PSD3: variants seen among roughly 807,000 people sequenced by gnomAD.
PSD3 encodes the protein PH and SEC7 domain-containing protein 3.
In PSD3, 49 loss-of-function variants were observed where a neutral mutation model predicts 105.5. The ratio of observed to expected loss-of-function variants is 0.46; its 90% CI spans 0.37 to 0.59. The LOEUF is 0.59. Ranked by LOEUF, PSD3 falls within the 20% of genes least tolerant of loss-of-function variation. PSD3 has a pLI of 0.00. For missense variants in PSD3, 1,561 were observed against 1,263.8 expected (o/e 1.24, Z -3.57); for synonymous variants, 557 against 457.8 (o/e 1.22, Z -2.77).
chr8:18,731,802 G>C (rs1803770741), intron 9 of PSD3, among the ~76,000 whole-genome samples: 1 of 152,098 alleles, frequency 6.6e-6, no homozygotes, highest in Admixed American at 6.5e-5. Context: ...CTTGCCATTT[G>C]AACAGAAAAT....
chr8:18,713,037 G>A (rs2410590), intron 9 of PSD3, among the ~76,000 whole-genome samples: 25,889 of 151,794 alleles, frequency 0.17, 3,954 homozygotes, highest in East Asian at 0.39. Flanking sequence ...CAAAAACCAC[G>A]GGATTATCTC....
At chr8:18,664,749 A>G (rs1799347201) in intron 9 of PSD3, among the ~76,000 whole-genome samples, 1 of 152,212 alleles carries the variant, frequency 6.6e-6, no homozygotes, top group Admixed American at 6.5e-5. Context: ...TCAAAGCTTC[A>G]AAAGTCAGGC....
intron 9 of PSD3, among the ~76,000 whole-genome samples, chr8:18,757,240 G>A (rs1435733642): frequency 6.6e-6 from 1 of 150,594 alleles, no homozygotes; most frequent in Non-Finnish European, 1.5e-5. Context: ...ATCATTTGAG[G>A]TCAGGAGTTC....
chr8:18,853,230 C>G (rs186546416), intron 4 of PSD3, among the ~76,000 whole-genome samples: 1 of 152,200 alleles, frequency 6.6e-6, no homozygotes, highest in Admixed American at 6.5e-5. Context: ...TATAAAAATA[C>G]TGGAAATAGG....
intron 2 of PSD3, among the ~76,000 whole-genome samples, chr8:18,889,274 T>C (rs996072269): frequency 2.6e-5 from 4 of 152,164 alleles, no homozygotes; most frequent in African/African-American, 9.7e-5. Flanking sequence ...TTGTATTGAT[T>C]ATATTCTCTT....
chr8:18,935,567 T>C (rs994916842), intron 2 of PSD3, among the ~76,000 whole-genome samples: 5 of 150,882 alleles, frequency 3.3e-5, no homozygotes, highest in Non-Finnish European at 7.4e-5. Context: ...TGTGGTGGCA[T>C]ATGCCTGTAG....
chr8:18,914,322 C>T (rs903431347), intron 2 of PSD3, among the ~76,000 whole-genome samples: 6 of 152,082 alleles, frequency 3.9e-5, no homozygotes, highest in African/African-American at 1.4e-4. Context: ...GCAAGGATGC[C>T]CACTCTCACC....
Position 18,536,081 on chromosome 8 carries a change from C to A in PSD3, c.2929-123G>T, listed in dbSNP as rs554318054. The stretch of plus-strand genomic sequence containing the variant: ...CTGTTGAAGACTTCGCTTCATTTCC[C>A]AAACTGACAAATTACTTGGGCACTT... On this transcript the variant is annotated intron_variant, in intron 15 of 15. Transcript: ENST00000327040. 8.5e-5 allele frequency: 76 copies of A among 892,400 alleles called. No homozygotes were observed. The East Asian group carries it at 1.9e-3, about 23-fold the overall frequency. The allele number at this position is 892,400 out of a possible 1,614,324, so 55.3% of individuals were successfully genotyped here.
intron 9 of PSD3, among the ~76,000 whole-genome samples, chr8:18,763,441 G>T (rs777904569): frequency 3.9e-5 from 6 of 152,112 alleles, no homozygotes; most frequent in African/African-American, 1.4e-4. Context: ...ATGTATGTAT[G>T]TATCTGTGTA....
chr8:18,651,660 C>T (rs895771050), intron 10 of PSD3, among the ~76,000 whole-genome samples: 1 of 152,138 alleles, frequency 6.6e-6, no homozygotes, highest in South Asian at 2.1e-4. Flanking sequence ...GGTGTAGAAA[C>T]TGCTGGTGTC....
chr8:19,023,137 G>A (rs1827418739), intron 1 of PSD3, among the ~76,000 whole-genome samples: 1 of 152,042 alleles, frequency 6.6e-6, no homozygotes, highest in Non-Finnish European at 1.5e-5. Flanking sequence ...TGTCCTTTGT[G>A]GATAGATATT....
chr8:18,730,095 A>G (rs1803626702), intron 9 of PSD3: 2 of 152,192 alleles, frequency 1.3e-5, no homozygotes, highest in Admixed American at 6.5e-5. Context: ...ATGCTCAAGT[A>G]TTGCCTCTTT....
chr8:18,702,076 C>A (rs1288838381), intron 9 of PSD3, among the ~76,000 whole-genome samples: 3 of 152,168 alleles, frequency 2.0e-5, no homozygotes, highest in Admixed American at 6.5e-5. Context: ...TCCCAGGAAT[C>A]CTGGGAGTGA....
At chr8:19,047,040 C>T (rs938993626) in intron 1 of PSD3, among the ~76,000 whole-genome samples, 1 of 151,800 alleles carries the variant, frequency 6.6e-6, no homozygotes, top group African/African-American at 2.4e-5. Context: ...ATCAGTGTAT[C>T]CTCTGCATAT....
Position 18,593,877 on chromosome 8 carries a change from A to G in PSD3, c.2481+6487T>C, listed in dbSNP as rs532044691. Among the ~76,000 whole-genome samples the G allele has an allele frequency of 1.9e-4, 28 of 149,746 alleles. 3 individuals are homozygous for G. The East Asian group carries it at 5.4e-3, about 29-fold the overall frequency. ...TTCTCAGCAAACTATCACAAGGACA[A>G]AAAACCAAACACCGCATGCTCTCAG... On this transcript the variant is annotated intron_variant, in intron 12 of 15. Coordinates refer to ENST00000327040, the MANE Select transcript of PSD3 (RefSeq NM_015310.4).
At chr8:18,947,793 G>A (rs571407287) in intron 1 of PSD3, among the ~76,000 whole-genome samples, 3 of 152,134 alleles carry the variant, frequency 2.0e-5, no homozygotes, top group Non-Finnish European at 4.4e-5. Flanking sequence ...CATAATACCC[G>A]AGGGCTTCTT....
intron 11 of PSD3, among the ~76,000 whole-genome samples, chr8:18,615,691 G>A (rs937518330): frequency 6.6e-6 from 1 of 152,096 alleles, no homozygotes; most frequent in African/African-American, 2.4e-5. Flanking sequence ...TAAGAGCAGG[G>A]TGTTAAAATA....
At chr8:18,790,788 C>T (rs1294858675) in intron 8 of PSD3, among the ~76,000 whole-genome samples, 1 of 151,900 alleles carries the variant, frequency 6.6e-6, no homozygotes, top group Non-Finnish European at 1.5e-5. Flanking sequence ...GCAGGGATGA[C>T]GGCCTTGGGG....
intron 1 of PSD3, among the ~76,000 whole-genome samples, chr8:19,025,327 T>A (rs1586641476): frequency 1.3e-5 from 2 of 152,286 alleles, no homozygotes. Context: ...AATCCACCCC[T>A]TGGTTAAAGA....
Sources: allele counts gnomAD v4.1 joint callset (sites outside exome capture counted in the v4.1 genomes callset), GRCh38; gene constraint gnomAD v4.1.1; transcripts MANE v1.5; gene names NCBI Gene and HGNC (gene_info 2026-07-23, HGNC 2026-07-21).